The following SYTL3 variants were observed in gnomAD, a reference collection of about 807,000 sequenced individuals.
The protein encoded by SYTL3 is synaptotagmin-like protein 3.
A neutral mutation model predicts 82.1 loss-of-function variants in SYTL3; 88 were observed. The ratio of observed to expected loss-of-function variants is 1.07; its 90% CI spans 0.90 to 1.28. The LOEUF (loss-of-function observed/expected upper bound fraction) is 1.28. Ranked by LOEUF, SYTL3 falls within the 50% of genes most tolerant of loss-of-function variation. SYTL3 has a pLI of 0.00. For missense variants in SYTL3, 831 were observed against 757.6 expected, an observed-to-expected ratio of 1.10 and a Z score of -1.14; for synonymous variants, 311 against 289.4, an observed-to-expected ratio of 1.07 and a Z score of -0.76.
At position 158,701,252 on chromosome 6, in the gene SYTL3, GTGT is replaced by G. The variant is rs1781215588; in HGVS notation, c.395-5977_395-5975del. The stretch of plus-strand genomic sequence containing the variant: ...TGTGAGCTGGGGTGTAGATGAAGGA[GTGT>G]GAGCTGGGGTGTAGATGAAGGAGTG... On this transcript the variant is annotated intron_variant, in intron 6 of 17. Coordinates refer to ENST00000611299, the MANE Select transcript of SYTL3 (RefSeq NM_001242394.2). Among the ~76,000 whole-genome samples the G allele has an allele frequency of 7.6e-3, 79 of 10,448 alleles. 27 individuals are homozygous for G. Among genetic ancestry groups the G allele is most frequent in the African/African-American group, 0.027 (30 of 1,100 alleles). The allele number at this position is 10,448 out of a possible 152,430, so 6.9% of individuals were successfully genotyped here. A position where few individuals can be genotyped will look rare whatever the true frequency, so the allele number is the denominator to read the frequency against.
intron 2 of SYTL3, among the ~76,000 whole-genome samples, chr6:158,656,104 G>C (rs117418283): frequency 6.6e-6 from 1 of 152,324 alleles, no homozygotes; most frequent in East Asian, 1.9e-4. Flanking sequence ...GGGAAAACCA[G>C]CGTGACTTCA....
chr6:158,744,017 A>G (rs539774338), intron 11 of SYTL3, among the ~76,000 whole-genome samples: 1 of 151,568 alleles, frequency 6.6e-6, no homozygotes, highest in East Asian at 2.0e-4. Context: ...CTCCCAGGTT[A>G]AAGCAATTCT....
intron 5 of SYTL3, among the ~76,000 whole-genome samples, chr6:158,671,788 C>T (rs891841518): frequency 1.3e-5 from 2 of 150,650 alleles, no homozygotes; most frequent in African/African-American, 4.9e-5. Flanking sequence ...ATTTTGAAAC[C>T]TCTATATTTT....
intron 11 of SYTL3, among the ~76,000 whole-genome samples, chr6:158,733,575 C>T (rs181223357): frequency 1.3e-5 from 2 of 152,026 alleles, no homozygotes; most frequent in African/African-American, 4.8e-5. Flanking sequence ...GATCCGCCCT[C>T]CTCGGCCTCC....
intron 12 of SYTL3, among the ~76,000 whole-genome samples, chr6:158,749,663 T>A (rs117482780): frequency 1.3e-5 from 2 of 151,802 alleles, no homozygotes; most frequent in Non-Finnish European, 2.9e-5. Context: ...TTAAAAAAAA[T>A]TTTCAGTAGT....
At chr6:158,653,762 G>A (rs550445607) in intron 2 of SYTL3, among the ~76,000 whole-genome samples, 6 of 152,170 alleles carry the variant, frequency 3.9e-5, no homozygotes, top group African/African-American at 9.7e-5. Flanking sequence ...CCTTGAAAGC[G>A]TGTGTGGTGA....
At chr6:158,686,102 T>C (rs1284212942) in intron 6 of SYTL3, among the ~76,000 whole-genome samples, 1 of 152,192 alleles carries the variant, frequency 6.6e-6, no homozygotes, top group East Asian at 1.9e-4. Flanking sequence ...TACCATCTTG[T>C]CATCTTTTCA....
At chr6:158,731,474 A>G (rs900495957) in intron 11 of SYTL3, among the ~76,000 whole-genome samples, 6 of 152,062 alleles carry the variant, frequency 3.9e-5, no homozygotes, top group African/African-American at 1.4e-4. Flanking sequence ...CAGCAAAAAA[A>G]GGATGGACAC....
chr6:158,741,885 G>A (rs186536458), intron 11 of SYTL3, among the ~76,000 whole-genome samples: 5 of 152,256 alleles, frequency 3.3e-5, no homozygotes, highest in East Asian at 3.9e-4. Flanking sequence ...GCAACTTCTC[G>A]TGTAGTTGTG....
chr6:158,733,093 C>T (rs542824166), intron 11 of SYTL3, among the ~76,000 whole-genome samples: 1 of 152,122 alleles, frequency 6.6e-6, no homozygotes, highest in African/African-American at 2.4e-5. Context: ...TTCAAGCCTC[C>T]TTGCTTTGTG....
At chr6:158,739,048 A>G (rs75292234) in intron 11 of SYTL3, among the ~76,000 whole-genome samples, 2,643 of 152,300 alleles carry the variant, frequency 0.017, 68 homozygotes, top group African/African-American at 0.06. Context: ...CTCCCTGCAA[A>G]AGAAGGCGCC....
At chr6:158,727,518 A>G (rs759612092) in intron 11 of SYTL3, among the ~76,000 whole-genome samples, 7 of 151,930 alleles carry the variant, frequency 4.6e-5, no homozygotes, top group Non-Finnish European at 1.0e-4. Flanking sequence ...GTGTTCGGCC[A>G]TGAGGCTTTA....
intron 13 of SYTL3, 72 bp from the exon 14 acceptor site, chr6:158,757,139 G>A: frequency 6.9e-7 from 1 of 1,458,150 alleles, no homozygotes; most frequent in East Asian, 2.4e-5. Flanking sequence ...TGGAAGGTGG[G>A]GTCCAGAGAT....
intron 6 of SYTL3, among the ~76,000 whole-genome samples, chr6:158,705,339 G>A (rs1399887175): frequency 7.9e-6 from 1 of 126,138 alleles, no homozygotes; most frequent in Non-Finnish European, 1.7e-5. Context: ...GTGACAGTGA[G>A]GGCTGTAAGG....
chr6:158,757,403 A>G, intron 14 of SYTL3, 22 bp downstream of exon 14: 1 of 1,611,450 alleles, frequency 6.2e-7, no homozygotes, highest in Non-Finnish European at 8.5e-7. Context: ...TTTTGGACTG[A>G]GTGCCCTCCA....
chr6:158,760,631 T>TGTCCCCAGGCGGAGAAATA lies in SYTL3; in HGVS notation c.1309-8_1319dup. 1 of 1,612,402 alleles carries TGTCCCCAGGCGGAGAAATA rather than the reference T, an allele frequency of 6.2e-7. No homozygotes were observed. On this transcript the variant is annotated splice_polypyrimidine_tract_variant and intron_variant, in intron 14 of 17. Coordinates refer to ENST00000611299, the MANE Select transcript of SYTL3 (RefSeq NM_001242394.2). ...AATCCTGTCCCTAAGCTCTGCCTCTTGTCCCCAGGCGGAGAAATACGAAGA... is the reference window on the plus strand; with the variant it reads ...AATCCTGTCCCTAAGCTCTGCCTCTTGTCCCCAGGCGGAGAAATAGTCCCCAGGCGGAGAAATACGAAGA...
intron 13 of SYTL3, among the ~76,000 whole-genome samples, chr6:158,755,363 A>C (rs1439908492): frequency 1.3e-5 from 2 of 152,142 alleles, no homozygotes; most frequent in Non-Finnish European, 2.9e-5. Context: ...ATATGGACCC[A>C]TAGACTTGAG....
intron 6 of SYTL3, among the ~76,000 whole-genome samples, chr6:158,693,750 C>G (rs559595941): frequency 7.6e-6 from 1 of 131,676 alleles, no homozygotes; most frequent in East Asian, 1.9e-4. Context: ...GCCGTGTTGC[C>G]CAGGCTGGTC....
At chr6:158,649,304 A>G (rs1027122206), upstream of SYTL3, among the ~76,000 whole-genome samples, 1 of 152,250 alleles carries the variant, frequency 6.6e-6, no homozygotes, top group Admixed American at 6.5e-5. Context: ...CTCCATGACC[A>G]TCAAGGATCT....
Sources: gnomAD v4.1 joint callset for allele counts (sites outside exome capture counted in the v4.1 genomes callset) on GRCh38, gnomAD v4.1.1 for gene constraint, MANE v1.5 for transcripts, NCBI Gene and HGNC (gene_info 2026-07-23, HGNC 2026-07-21) for gene names.